MPLKIP: variants seen among roughly 807,000 people sequenced by gnomAD.
The protein encoded by MPLKIP is M-phase-specific PLK1-interacting protein.
Under a neutral mutation model 16.9 loss-of-function variants are expected in MPLKIP, and 16 were observed. That is an observed-to-expected ratio of 0.94 (90% confidence interval 0.64 to 1.43). MPLKIP has a LOEUF of 1.43. Ranked by LOEUF, MPLKIP falls within the 40% of genes most tolerant of loss-of-function variation. The pLI is 0.00. For synonymous variants in MPLKIP, 126 were observed against 98.4 expected (o/e 1.28, Z -1.66); for missense variants, 282 against 237.6 (o/e 1.19, Z -1.23).
Position 40,132,658 on chromosome 7 carries a change from A to C in MPLKIP, c.*401T>G. The stretch of plus-strand genomic sequence containing the variant: ...ATTTCATTTTCAAAAATAATTTGCA[A>C]AACATTTACCTATGAACTCTAAGTG... On this transcript the variant is annotated 3_prime_UTR_variant, in exon 2 of 2. Coordinates refer to ENST00000306984, the MANE Select transcript of MPLKIP (RefSeq NM_138701.4). The C allele has an allele frequency of 8.0e-6, 2 of 248,642 alleles. No homozygotes were observed. The highest frequency in any genetic ancestry group is 2.2e-4 in the East Asian group (2 of 9,070). 15.4% of individuals were successfully genotyped at this position (248,642 alleles called of 1,614,324 possible).
chr7:40,129,681 C>A lies in MPLKIP; in HGVS notation c.*3378G>T, dbSNP rs1787437036. 6.6e-6 allele frequency: 1 copy of A among 151,982 alleles called. No homozygotes were observed. The highest frequency in any genetic ancestry group is 2.1e-4 in the South Asian group (1 of 4,822). The allele number at this position is 151,982 out of a possible 1,614,324, so 9.4% of individuals were successfully genotyped here. On this transcript the variant is annotated 3_prime_UTR_variant, in exon 2 of 2. Coordinates refer to ENST00000306984, the MANE Select transcript of MPLKIP (RefSeq NM_138701.4). The stretch of plus-strand genomic sequence containing the variant: ...AGCGTGGTGGCTCACACCTGTAATT[C>A]CAGCACTTTGGGAGGCCGAGGCTGG...
At position 40,131,354 on chromosome 7, in the gene MPLKIP, A is replaced by T. The variant is rs561993007; in HGVS notation, c.*1705T>A. On this transcript the variant is annotated 3_prime_UTR_variant, in exon 2 of 2. Transcript: ENST00000306984. ...TTGAAACAAAAGTTTTACTAGCTCT[A>T]TCTTCGTATTTTGTAACTTCAAAAT... 1 of 152,098 alleles carries T rather than the reference A, an allele frequency of 6.6e-6. No individual in the cohort carries two copies. The highest frequency in any genetic ancestry group is 2.4e-5 in the African/African-American group (1 of 41,376). The allele number at this position is 152,098 out of a possible 1,614,324, so 9.4% of individuals were successfully genotyped here. A position where few individuals can be genotyped will look rare whatever the true frequency, so the allele number is the denominator to read the frequency against.
chr7:40,126,987 T>C lies in MPLKIP; in HGVS notation c.*6072A>G, dbSNP rs1323218065. The C allele has an allele frequency of 4.0e-5, 6 of 151,778 alleles. No individual in the cohort carries two copies. The South Asian group carries it at 1.0e-3, about 26-fold the overall frequency. The allele number at this position is 151,778 out of a possible 1,614,324, so 9.4% of individuals were successfully genotyped here. A position where few individuals can be genotyped will look rare whatever the true frequency, so the allele number is the denominator to read the frequency against. ...ATGCCTGGCTATTTTTTTTTTTTTATTTTTAGTAGAGACGGGGTTTCACTG... is the reference window on the plus strand; with the variant it reads ...ATGCCTGGCTATTTTTTTTTTTTTACTTTTAGTAGAGACGGGGTTTCACTG... On this transcript the variant is annotated 3_prime_UTR_variant, in exon 2 of 2. Coordinates refer to ENST00000306984, the MANE Select transcript of MPLKIP (RefSeq NM_138701.4).
chr7:40,134,282 C>T lies in MPLKIP; in HGVS notation c.286G>A (p.Gly96Arg), dbSNP rs550181804. ...YPGSYSRSPA[G>R]SQQQFGYSPG... ...GAGTAGCCGAATTGCTGCTGGGACC[C>T]CGCGGGGGACCTGGAGTAGGAGCCA... The change falls in exon 1 of 2, where the codon GGG (glycine) becomes AGG (arginine). Residue 96 changes from glycine (G) to arginine (R), a missense_variant. By Grantham distance (125) the Gly-to-Arg change is moderately radical. Coordinates refer to ENST00000306984, the MANE Select transcript of MPLKIP (RefSeq NM_138701.4). The T allele has an allele frequency of 1.9e-6, 3 of 1,560,376 alleles. No homozygotes were observed. Among genetic ancestry groups the T allele is most frequent in the African/African-American group, 2.7e-5 (2 of 73,736 alleles).
At position 40,127,747 on chromosome 7, in the gene MPLKIP, A is replaced by G. The variant is rs1217510915; in HGVS notation, c.*5312T>C. On this transcript the variant is annotated 3_prime_UTR_variant, in exon 2 of 2. Coordinates refer to ENST00000306984, the MANE Select transcript of MPLKIP (RefSeq NM_138701.4). Reference sequence around the variant, plus strand: ...AATTATGGAAATTATGAGCAAAATAAAAGAGGTAATTCAGGCTGGGTGCAC... The same window carrying G: ...AATTATGGAAATTATGAGCAAAATAGAAGAGGTAATTCAGGCTGGGTGCAC... The G allele has an allele frequency of 6.6e-6, 1 of 152,096 alleles. No individual in the cohort carries two copies. Among genetic ancestry groups the G allele is most frequent in the Non-Finnish European group, 1.5e-5 (1 of 68,016 alleles). The allele number at this position is 152,096 out of a possible 1,614,324, so 9.4% of individuals were successfully genotyped here.
At position 40,132,061 on chromosome 7, in the gene MPLKIP, C is replaced by T. The variant is rs1451130377; in HGVS notation, c.*998G>A. 6.6e-6 allele frequency: 1 copy of T among 152,164 alleles called. No homozygotes were observed. The highest frequency in any genetic ancestry group is 6.5e-5 in the Admixed American group (1 of 15,276). The allele number at this position is 152,164 out of a possible 1,614,324, so 9.4% of individuals were successfully genotyped here. On this transcript the variant is annotated 3_prime_UTR_variant, in exon 2 of 2. Transcript: ENST00000306984. ...TTAAAAAATAGTTGGGGTAACAATT[C>T]TTCCATATTTTTCTCTCCAGAACTA...
Position 40,132,451 on chromosome 7 carries a change from T to C in MPLKIP, c.*608A>G. The C allele has an allele frequency of 6.4e-6, 1 of 156,526 alleles. No homozygotes were observed. The highest frequency in any genetic ancestry group is 6.3e-5 in the Admixed American group (1 of 15,954). The allele number at this position is 156,526 out of a possible 1,614,324, so 9.7% of individuals were successfully genotyped here. A position where few individuals can be genotyped will look rare whatever the true frequency, so the allele number is the denominator to read the frequency against. On this transcript the variant is annotated 3_prime_UTR_variant, in exon 2 of 2. Coordinates refer to ENST00000306984, the MANE Select transcript of MPLKIP (RefSeq NM_138701.4). ...TTTGATTTAGCAATGCATGGTCTATTCTTGCCTTTTCCAGTTAAATGAGTA... is the reference window on the plus strand; with the variant it reads ...TTTGATTTAGCAATGCATGGTCTATCCTTGCCTTTTCCAGTTAAATGAGTA...
Position 40,132,915 on chromosome 7 carries a change from C to A in MPLKIP, c.*144G>T. ...ACTTTTTTCTCTAATATCAACAATA[C>A]CTGATACGATGAAAAATAACAAAAA... is the stretch of plus-strand genomic sequence containing the variant. On this transcript the variant is annotated 3_prime_UTR_variant, in exon 2 of 2. Coordinates refer to ENST00000306984, the MANE Select transcript of MPLKIP (RefSeq NM_138701.4). 1 of 761,832 alleles carries A rather than the reference C, an allele frequency of 1.3e-6. No individual in the cohort carries two copies. The highest frequency in any genetic ancestry group is 2.2e-6 in the Non-Finnish European group (1 of 449,254). 47.2% of individuals were successfully genotyped at this position (761,832 alleles called of 1,614,324 possible).
intron 1 of MPLKIP, among the ~76,000 whole-genome samples, chr7:40,133,579 C>G (rs998488347): frequency 6.6e-6 from 1 of 152,080 alleles, no homozygotes; most frequent in African/African-American, 2.4e-5. Flanking sequence ...AATTTTCCCT[C>G]GAAATTTTCA....
Position 40,130,477 on chromosome 7 carries a change from C to T in MPLKIP, c.*2582G>A, listed in dbSNP as rs1055661719. 5.9e-5 allele frequency: 9 copies of T among 152,096 alleles called. No individual in the cohort carries two copies. Among genetic ancestry groups the T allele is most frequent in the African/African-American group, 9.7e-5 (4 of 41,426 alleles). 9.4% of individuals were successfully genotyped at this position (152,096 alleles called of 1,614,324 possible). A position where few individuals can be genotyped will look rare whatever the true frequency, so the allele number is the denominator to read the frequency against. On this transcript the variant is annotated 3_prime_UTR_variant, in exon 2 of 2. Transcript: ENST00000306984. Reference sequence around the variant, plus strand: ...GTCTCTAGAAGTAGATGTTGGTAAGCGTTAGCAAGAAATTTTACCTTTGTT... The same window carrying T: ...GTCTCTAGAAGTAGATGTTGGTAAGTGTTAGCAAGAAATTTTACCTTTGTT...
In MPLKIP at chr7:40,130,155, T is replaced by C. The variant is rs1354485074; in HGVS notation, c.*2904A>G. On this transcript the variant is annotated 3_prime_UTR_variant, in exon 2 of 2. Transcript: ENST00000306984. ...AGACCCTTGTTTGAAGACTCTACTA[T>C]AGACTACACTTCCATCCTTTAAGCA... 2 of 152,216 alleles carry C rather than the reference T, an allele frequency of 1.3e-5. No homozygotes were observed. Among genetic ancestry groups the C allele is most frequent in the African/African-American group, 4.8e-5 (2 of 41,460 alleles). 9.4% of individuals were successfully genotyped at this position (152,216 alleles called of 1,614,324 possible).
rs1317860502 is a variant in MPLKIP, at chr7:40,127,565, T to C, written c.*5494A>G. 3 of 151,106 alleles carry C rather than the reference T, an allele frequency of 2.0e-5. No homozygotes were observed. Among genetic ancestry groups the C allele is most frequent in the South Asian group, 2.1e-4 (1 of 4,768 alleles). The allele number at this position is 151,106 out of a possible 1,614,324, so 9.4% of individuals were successfully genotyped here. ...ATCGGTCTCAAAAAAAAGAAAAGTATTGTATGGTATTTTATCAAACTAAGA... is the reference window on the plus strand; with the variant it reads ...ATCGGTCTCAAAAAAAAGAAAAGTACTGTATGGTATTTTATCAAACTAAGA... On this transcript the variant is annotated 3_prime_UTR_variant, in exon 2 of 2. Transcript: ENST00000306984.
At position 40,128,390 on chromosome 7, in the gene MPLKIP, A is replaced by G. The variant is rs1787419350; in HGVS notation, c.*4669T>C. ...ATTAATATGGAATTTATAGAACCTA[A>G]TAATAAATGTACTGGCAAGGGTTAA... is the stretch of plus-strand genomic sequence containing the variant. On this transcript the variant is annotated 3_prime_UTR_variant, in exon 2 of 2. Coordinates refer to ENST00000306984, the MANE Select transcript of MPLKIP (RefSeq NM_138701.4). 1 of 152,200 alleles carries G rather than the reference A, an allele frequency of 6.6e-6. No individual in the cohort carries two copies. Among genetic ancestry groups the G allele is most frequent in the Non-Finnish European group, 1.5e-5 (1 of 68,036 alleles). 9.4% of individuals were successfully genotyped at this position (152,200 alleles called of 1,614,324 possible).
Position 40,134,596 on chromosome 7 carries a change from G to T in MPLKIP, c.-29C>A. Reference sequence around the variant, plus strand: ...AGGAGCCAAAGCCGAAAACCTCGCAGCCGCGTTCTCCCACCGGAACTGTAT... The same window carrying T: ...AGGAGCCAAAGCCGAAAACCTCGCATCCGCGTTCTCCCACCGGAACTGTAT... On this transcript the variant is annotated 5_prime_UTR_variant, in exon 1 of 2. In the 5' UTR this introduces an upstream ATG that the reference lacks. Transcript: ENST00000306984. 1 of 1,554,792 alleles carries T rather than the reference G, an allele frequency of 6.4e-7. No individual in the cohort carries two copies.
chr7:40,134,193 A>C (rs1787540847), intron 1 of MPLKIP, 36 bp downstream of exon 1: 1 of 1,545,002 alleles, frequency 6.5e-7, no homozygotes, highest in East Asian at 2.4e-5. Context: ...CCTGCCATAA[A>C]GTAAGAGCTC....
At chr7:40,134,208 A>G in intron 1 of MPLKIP, 21 bp downstream of exon 1, 1 of 1,550,384 alleles carries the variant, frequency 6.5e-7, no homozygotes, top group Middle Eastern at 1.7e-4. Flanking sequence ...GAGCTCGGCA[A>G]ACGCTGGCTA....
Position 40,132,296 on chromosome 7 carries a change from G to T in MPLKIP, c.*763C>A, listed in dbSNP as rs1787474279. ...AGTATGGCAAATTTGTCTTCTCTTG[G>T]ATTGATGGAGATGAGAGATGTTCTT... On this transcript the variant is annotated 3_prime_UTR_variant, in exon 2 of 2. Coordinates refer to ENST00000306984, the MANE Select transcript of MPLKIP (RefSeq NM_138701.4). 6.6e-6 allele frequency: 1 copy of T among 152,204 alleles called. No individual in the cohort carries two copies. The highest frequency in any genetic ancestry group is 2.1e-4 in the South Asian group (1 of 4,834). The allele number at this position is 152,204 out of a possible 1,614,324, so 9.4% of individuals were successfully genotyped here.
At chr7:40,133,346 G>A in intron 1 of MPLKIP, 87 bp from the exon 2 acceptor site, 1 of 1,186,804 alleles carries the variant, frequency 8.4e-7, no homozygotes, top group Non-Finnish European at 1.2e-6. Flanking sequence ...GAATCACATT[G>A]CTGCTTAAAA....
rs1223711068 is a variant in MPLKIP at position 40,131,098 on chromosome 7, T to C, written c.*1961A>G. The C allele has an allele frequency of 6.6e-6, 1 of 152,188 alleles. No homozygotes were observed. The highest frequency in any genetic ancestry group is 1.5e-5 in the Non-Finnish European group (1 of 68,036). The allele number at this position is 152,188 out of a possible 1,614,324, so 9.4% of individuals were successfully genotyped here. ...TCTATGACACAGGTACTATTAATTTTCTCATCTTACACATGAGAAAATTGA... is the reference window on the plus strand; with the variant it reads ...TCTATGACACAGGTACTATTAATTTCCTCATCTTACACATGAGAAAATTGA... On this transcript the variant is annotated 3_prime_UTR_variant, in exon 2 of 2. Transcript: ENST00000306984.
Sources: gnomAD v4.1 joint callset for allele counts (sites outside exome capture counted in the v4.1 genomes callset) on GRCh38, gnomAD v4.1.1 for gene constraint, MANE v1.5 for transcripts, NCBI Gene and HGNC (gene_info 2026-07-23, HGNC 2026-07-21) for gene names.